NKAIN2: variants seen among roughly 807,000 people sequenced by gnomAD.
The protein encoded by NKAIN2 is sodium/potassium transporting ATPase interacting 2.
In NKAIN2, 14 loss-of-function variants were observed where a neutral mutation model predicts 32.6. That is an observed-to-expected ratio of 0.43 (90% CI 0.28 to 0.67). NKAIN2 has a LOEUF of 0.67. Ranked by LOEUF, NKAIN2 falls within the 30% of genes least tolerant of loss-of-function variation. NKAIN2 has a pLI of 0.17. For missense variants in NKAIN2, 198 were observed against 258.3 expected, an observed-to-expected ratio of 0.77 and a Z score of 1.60; for synonymous variants, 80 against 87.2, an observed-to-expected ratio of 0.92 and a Z score of 0.46.
chr6:124,091,198 T>G (rs548588869), intron 1 of NKAIN2, among the ~76,000 whole-genome samples: 1 of 152,042 alleles, frequency 6.6e-6, no homozygotes, highest in South Asian at 2.1e-4. Flanking sequence ...TAAGGAAGCT[T>G]TATGTCCCAT....
At chr6:124,204,078 T>C (rs1425713238) in intron 1 of NKAIN2, among the ~76,000 whole-genome samples, 1 of 151,810 alleles carries the variant, frequency 6.6e-6, no homozygotes, top group Non-Finnish European at 1.5e-5. Flanking sequence ...TGTTTTACTT[T>C]TTGGGCCAGC....
chr6:124,527,655 G>A (rs1451513372), intron 3 of NKAIN2, among the ~76,000 whole-genome samples: 1 of 152,098 alleles, frequency 6.6e-6, no homozygotes, highest in African/African-American at 2.4e-5. Flanking sequence ...TGCTTATATG[G>A]GAGAGACAAC....
At chr6:123,822,161 A>G (rs1228848227) in intron 1 of NKAIN2, among the ~76,000 whole-genome samples, 1 of 152,114 alleles carries the variant, frequency 6.6e-6, no homozygotes, top group Non-Finnish European at 1.5e-5. Flanking sequence ...TATCCAGGTA[A>G]GTGATTTACA....
intron 1 of NKAIN2, among the ~76,000 whole-genome samples, chr6:123,933,435 T>C (rs1210050594): frequency 6.6e-6 from 1 of 152,204 alleles, no homozygotes; most frequent in African/African-American, 2.4e-5. Flanking sequence ...GTCAGAACAG[T>C]GGAAATGTGG....
At chr6:123,946,982 G>T (rs879088178) in intron 1 of NKAIN2, among the ~76,000 whole-genome samples, 1 of 152,156 alleles carries the variant, frequency 6.6e-6, no homozygotes, top group Non-Finnish European at 1.5e-5. Context: ...TTATACCCAG[G>T]AAGGAAGACC....
At chr6:124,113,965 G>A (rs1364439391) in intron 1 of NKAIN2, among the ~76,000 whole-genome samples, 1 of 152,136 alleles carries the variant, frequency 6.6e-6, no homozygotes, top group Non-Finnish European at 1.5e-5. Flanking sequence ...CTACATTCTT[G>A]TATGATTAGT....
chr6:124,178,701 A>G (rs1789289099), intron 1 of NKAIN2, among the ~76,000 whole-genome samples: 2 of 152,192 alleles, frequency 1.3e-5, no homozygotes. Context: ...GTGTGGTTTA[A>G]ATAATTTTCT....
At chr6:124,704,302 C>A (rs1774943260) in intron 4 of NKAIN2, among the ~76,000 whole-genome samples, 1 of 151,770 alleles carries the variant, frequency 6.6e-6, no homozygotes, top group Non-Finnish European at 1.5e-5. Flanking sequence ...TCACAAAAGA[C>A]TATAGAAAGA....
chr6:123,970,696 C>G (rs1212955539), intron 1 of NKAIN2, among the ~76,000 whole-genome samples: 1 of 151,906 alleles, frequency 6.6e-6, no homozygotes, highest in Non-Finnish European at 1.5e-5. Flanking sequence ...CTGGGTAACA[C>G]GGTGAAACCC....
intron 3 of NKAIN2, among the ~76,000 whole-genome samples, chr6:124,486,442 G>T (rs1777652877): frequency 1.3e-5 from 2 of 152,052 alleles, no homozygotes; most frequent in Non-Finnish European, 2.9e-5. Context: ...AAGCGTTTGT[G>T]TTTCAGATTT....
intron 3 of NKAIN2, among the ~76,000 whole-genome samples, chr6:124,495,100 A>G (rs1267221300): frequency 1.3e-5 from 2 of 152,122 alleles, no homozygotes; most frequent in African/African-American, 4.8e-5. Context: ...CTAATGACTA[A>G]TTTGGGTATT....
intron 2 of NKAIN2, among the ~76,000 whole-genome samples, chr6:124,331,361 A>C (rs1202407713): frequency 8.7e-5 from 12 of 137,622 alleles, no homozygotes; most frequent in Non-Finnish European, 1.5e-4. Context: ...AAAAAAAAAA[A>C]AAAAAAAAAA....
intron 1 of NKAIN2, among the ~76,000 whole-genome samples, chr6:123,998,643 T>C (rs1319262580): frequency 2.0e-5 from 3 of 151,928 alleles, no homozygotes; most frequent in Non-Finnish European, 4.4e-5. Flanking sequence ...ACTACTATAA[T>C]CTTGTCTTAT....
chr6:123,954,836 A>AG (rs1355076024), intron 1 of NKAIN2, among the ~76,000 whole-genome samples: 2 of 152,102 alleles, frequency 1.3e-5, no homozygotes, highest in African/African-American at 4.8e-5. Flanking sequence ...TTTGGTACCT[A>AG]GGGGGTCACC....
At chr6:124,034,187 C>G (rs1321723138) in intron 1 of NKAIN2, among the ~76,000 whole-genome samples, 3 of 151,864 alleles carry the variant, frequency 2.0e-5, no homozygotes, top group Non-Finnish European at 4.4e-5. Flanking sequence ...CAAGGGTGCA[C>G]CATGTAATGC....
intron 1 of NKAIN2, among the ~76,000 whole-genome samples, chr6:123,923,449 C>T (rs1443698500): frequency 2.0e-5 from 3 of 151,812 alleles, no homozygotes; most frequent in Non-Finnish European, 4.4e-5. Context: ...TTGTAATGTC[C>T]ATTCATGGTG....
intron 4 of NKAIN2, among the ~76,000 whole-genome samples, chr6:124,701,549 G>A (rs1428307308): frequency 6.6e-6 from 1 of 152,074 alleles, no homozygotes; most frequent in African/African-American, 2.4e-5. Flanking sequence ...AAAGGAAGCA[G>A]AGAAGTAAGT....
chr6:124,784,389 C>T (rs900555356), intron 4 of NKAIN2, among the ~76,000 whole-genome samples: 1 of 152,064 alleles, frequency 6.6e-6, no homozygotes, highest in Non-Finnish European at 1.5e-5. Flanking sequence ...TCCTTCTAAC[C>T]CACCCCCCTT....
At chr6:123,860,223 G>T (rs1775729731) in intron 1 of NKAIN2, among the ~76,000 whole-genome samples, 1 of 152,030 alleles carries the variant, frequency 6.6e-6, no homozygotes, top group Non-Finnish European at 1.5e-5. Context: ...ACAGGCTGAG[G>T]CAGGAGAGAA....
Sources: allele counts gnomAD v4.1 joint callset (sites outside exome capture counted in the v4.1 genomes callset), GRCh38; gene constraint gnomAD v4.1.1; transcripts MANE v1.5; gene names NCBI Gene and HGNC (gene_info 2026-07-23, HGNC 2026-07-21).